Variants in CCDC169 observed in about 807,000 individuals in gnomAD.
CCDC169 encodes coiled-coil domain containing 169.
A neutral mutation model predicts 36.0 loss-of-function variants in CCDC169; 30 were observed. The observed-to-expected ratio is 0.83, with a 90% CI of 0.62 to 1.13. The LOEUF is 1.13. Ranked by LOEUF, CCDC169 falls within the 50% of genes most tolerant of loss-of-function variation. The pLI, the probability that CCDC169 is intolerant of heterozygous loss-of-function variation, is 0.00. For synonymous variants in CCDC169, 85 were observed against 81.5 expected, an observed-to-expected ratio of 1.04 and a Z score of -0.23; for missense variants, 245 against 245.9, an observed-to-expected ratio of 1.00 and a Z score of 0.03.
chr13:36,246,528 A>G (rs900436857), intron 7 of CCDC169, among the ~76,000 whole-genome samples: 1 of 152,242 alleles, frequency 6.6e-6, no homozygotes, highest in Non-Finnish European at 1.5e-5. Context: ...AAGCTGCAGA[A>G]GAAAAGCTGG....
downstream of CCDC169, chr13:36,225,099 T>G (rs1298161343): frequency 6.6e-6 from 1 of 152,150 alleles, no homozygotes; most frequent in Non-Finnish European, 1.5e-5. Context: ...TACAGAAGGA[T>G]GAAACTGGAC....
At chr13:36,236,583 A>C (rs936901996) in intron 7 of CCDC169, among the ~76,000 whole-genome samples, 2 of 152,106 alleles carry the variant, frequency 1.3e-5, no homozygotes, top group Admixed American at 1.3e-4. Context: ...TATGACACCT[A>C]ACACACAAGC....
At chr13:36,275,685 G>T (rs1876711595) in intron 4 of CCDC169, among the ~76,000 whole-genome samples, 1 of 152,134 alleles carries the variant, frequency 6.6e-6, no homozygotes, top group Non-Finnish European at 1.5e-5. Context: ...CTACCACAGT[G>T]AGCCCAGTGG....
chr13:36,284,325 A>AT (rs1295628952), intron 2 of CCDC169, among the ~76,000 whole-genome samples: 1 of 152,208 alleles, frequency 6.6e-6, no homozygotes, highest in Non-Finnish European at 1.5e-5. Flanking sequence ...CTTCACATAC[A>AT]TTAAGTAATT....
intron 4 of CCDC169, among the ~76,000 whole-genome samples, chr13:36,277,279 C>T (rs1876943924): frequency 6.6e-6 from 1 of 151,862 alleles, no homozygotes; most frequent in Non-Finnish European, 1.5e-5. Flanking sequence ...CACATGGACA[C>T]AGAGAGGGGA....
At chr13:36,248,585 A>C in intron 7 of CCDC169, 21 bp downstream of exon 7, 16 of 1,546,748 alleles carry the variant, frequency 1.0e-5, no homozygotes, top group Non-Finnish European at 1.3e-5. Flanking sequence ...AATTAGAAAG[A>C]AAATATATAG....
chr13:36,281,310 T>C (rs1294075655), intron 4 of CCDC169: 1 of 442,250 alleles, frequency 2.3e-6, no homozygotes, highest in Admixed American at 2.6e-5. Context: ...CTTTACTTGT[T>C]TAAACCTTTC....
chr13:36,283,234 A>G, intron 4 of CCDC169: 1 of 502,500 alleles, frequency 2.0e-6, no homozygotes, highest in Non-Finnish European at 3.5e-6. Context: ...GGTGATTCAA[A>G]AAGCAATATC....
chr13:36,248,189 A>G (rs1041961533), intron 7 of CCDC169, among the ~76,000 whole-genome samples: 1 of 152,172 alleles, frequency 6.6e-6, no homozygotes, highest in African/African-American at 2.4e-5. Context: ...GTATAAAAAA[A>G]ACTTTTATAT....
Position 36,231,225 on chromosome 13 carries a change from T to C in CCDC169, c.613A>G (p.Arg205Gly). ...AKRGPVKKIT[R>G]PNHLPELHP is the part of the protein sequence containing the mutation. The stretch of plus-strand genomic sequence containing the variant: ...TGGAGTTCTGGAAGATGGTTTGGTC[T>C]TGTAATCTTTTTTACTGGTCCTCTC... The change falls in exon 8 of 8, where the codon AGA becomes GGA. Residue 205 changes from arginine to glycine, a missense_variant. Arg to Gly is a moderately radical substitution (Grantham distance 125). Coordinates refer to ENST00000239859, the MANE Select transcript of CCDC169 (RefSeq NM_001144981.3). 1 of 1,551,450 alleles carries C rather than the reference T, an allele frequency of 6.4e-7. No individual in the cohort carries two copies. The highest frequency in any genetic ancestry group is 8.7e-7 in the Non-Finnish European group (1 of 1,146,834).
At chr13:36,234,365 A>G (rs1870817248) in intron 7 of CCDC169, among the ~76,000 whole-genome samples, 1 of 152,160 alleles carries the variant, frequency 6.6e-6, no homozygotes, top group Non-Finnish European at 1.5e-5. Context: ...TATCAACTAT[A>G]CCAACATATG....
intron 6 of CCDC169, among the ~76,000 whole-genome samples, chr13:36,249,834 A>G (rs950994731): frequency 3.9e-5 from 6 of 152,202 alleles, no homozygotes; most frequent in African/African-American, 1.4e-4. Flanking sequence ...TAAATCTGAA[A>G]ATAAAAAGGA....
intron 2 of CCDC169, among the ~76,000 whole-genome samples, chr13:36,286,085 C>T (rs1370314186): frequency 3.3e-5 from 5 of 152,176 alleles, no homozygotes; most frequent in Admixed American, 3.3e-4. Context: ...AGGGCCTGAG[C>T]CTGCCAGTCT....
intron 2 of CCDC169, among the ~76,000 whole-genome samples, chr13:36,291,614 T>C (rs995667959): frequency 6.6e-6 from 1 of 152,220 alleles, no homozygotes. Context: ...ACTTCCTCTC[T>C]AATAGCTATA....
At chr13:36,272,011 G>A (rs987526383) in intron 4 of CCDC169, among the ~76,000 whole-genome samples, 2 of 151,428 alleles carry the variant, frequency 1.3e-5, no homozygotes, top group Non-Finnish European at 2.9e-5. Context: ...CTTGAACTCA[G>A]GAGGCGGAGG....
At chr13:36,284,009 A>G (rs963611298) in intron 2 of CCDC169, among the ~76,000 whole-genome samples, 6 of 152,034 alleles carry the variant, frequency 3.9e-5, no homozygotes, top group Non-Finnish European at 8.8e-5. Context: ...AATGAATTCA[A>G]TTAGAGGGAA....
At chr13:36,237,379 C>G (rs941119051) in intron 7 of CCDC169, among the ~76,000 whole-genome samples, 1 of 152,102 alleles carries the variant, frequency 6.6e-6, no homozygotes, top group Non-Finnish European at 1.5e-5. Flanking sequence ...TAGAAAATAG[C>G]TTGGCAGTTC....
chr13:36,231,324 CA>C, intron 7 of CCDC169, 32 bp from the exon 8 acceptor site: 2 of 1,546,880 alleles, frequency 1.3e-6, no homozygotes, highest in African/African-American at 2.7e-5. Context: ...CATAATTTTT[CA>C]GTCACCATTA....
chr13:36,267,740 A>C (rs1181661033), intron 4 of CCDC169, among the ~76,000 whole-genome samples: 1 of 152,186 alleles, frequency 6.6e-6, no homozygotes, highest in Non-Finnish European at 1.5e-5. Context: ...TATAAACTCA[A>C]GGTAAAAGGG....
Sources: allele counts gnomAD v4.1 joint callset (sites outside exome capture counted in the v4.1 genomes callset), GRCh38; gene constraint gnomAD v4.1.1; transcripts MANE v1.5; gene names NCBI Gene and HGNC (gene_info 2026-07-23, HGNC 2026-07-21).